ZMIZ1: variants seen among roughly 807,000 people sequenced by gnomAD.
The protein encoded by ZMIZ1 is zinc finger MIZ-type containing 1.
A neutral mutation model predicts 113.9 loss-of-function variants in ZMIZ1; 17 were observed. That is an observed-to-expected ratio of 0.15 (90% CI 0.10 to 0.22). The LOEUF (loss-of-function observed/expected upper bound fraction) is 0.22, where lower values mean the gene tolerates loss of function less well. ZMIZ1 is among the 10% of genes least tolerant of loss of function. The pLI, the probability that ZMIZ1 is intolerant of heterozygous loss-of-function variation, is 1.00. For synonymous variants in ZMIZ1, 607 were observed against 603.1 expected (o/e 1.01, Z -0.09); for missense variants, 1,059 against 1,477.8 (o/e 0.72, Z 4.65).
chr10:79,125,617 G>A (rs1321467403), intron 2 of ZMIZ1, among the ~76,000 whole-genome samples: 1 of 152,252 alleles, frequency 6.6e-6, no homozygotes, highest in Non-Finnish European at 1.5e-5. Context: ...CATTGGGGCA[G>A]AGGACAGCCT....
chr10:79,310,957 C>A lies in ZMIZ1; in HGVS notation c.2869C>A (p.Pro957Thr). ...PHAGSSDQPHPSIQQGLHVPH... is the reference protein window; with the variant it reads ...PHAGSSDQPHTSIQQGLHVPH... Reference sequence around the variant, plus strand: ...CGCTGGCAGCTCTGACCAGCCCCACCCCTCCATACAACAAGGTTTGCACGT... The same window carrying A: ...CGCTGGCAGCTCTGACCAGCCCCACACCTCCATACAACAAGGTTTGCACGT... The change falls in exon 24 of 25, where the codon CCC becomes ACC. Residue 957 changes from proline (P) to threonine (T), a missense_variant. Coordinates refer to ENST00000334512, the MANE Select transcript of ZMIZ1 (RefSeq NM_020338.4). 3.7e-6 allele frequency: 6 copies of A among 1,613,938 alleles called. No individual in the cohort carries two copies. Among genetic ancestry groups the A allele is most frequent in the South Asian group, 2.2e-5 (2 of 91,078 alleles).
intron 1 of ZMIZ1, among the ~76,000 whole-genome samples, chr10:79,098,107 C>A (rs1334668453): frequency 6.6e-6 from 1 of 152,186 alleles, no homozygotes; most frequent in Non-Finnish European, 1.5e-5. Flanking sequence ...GTCAAATGAT[C>A]ATTCCTACCT....
At chr10:79,143,402 A>ACTCACCCCT (rs1845353111) in intron 3 of ZMIZ1, among the ~76,000 whole-genome samples, 1 of 151,338 alleles carries the variant, frequency 6.6e-6, no homozygotes, top group South Asian at 2.1e-4. Flanking sequence ...CCCCGGGCCC[A>ACTCACCCCT]CTCACCCCTC....
intron 4 of ZMIZ1, among the ~76,000 whole-genome samples, chr10:79,169,518 G>A (rs899142402): frequency 9.2e-5 from 14 of 152,250 alleles, no homozygotes; most frequent in African/African-American, 3.4e-4. Context: ...AGCTCCAGAA[G>A]GGCTGATAAA....
chr10:79,195,520 G>T (rs1014907434), intron 4 of ZMIZ1, among the ~76,000 whole-genome samples: 1 of 151,466 alleles, frequency 6.6e-6, no homozygotes, highest in Non-Finnish European at 1.5e-5. Context: ...CTGCAGCCAC[G>T]GAGGATTTGT....
chr10:79,146,364 C>G (rs1166492148), intron 3 of ZMIZ1, among the ~76,000 whole-genome samples: 1 of 152,170 alleles, frequency 6.6e-6, no homozygotes, highest in Non-Finnish European at 1.5e-5. Context: ...CAGACCTTTC[C>G]CAAGCAACAG....
intron 1 of ZMIZ1, among the ~76,000 whole-genome samples, chr10:79,108,805 C>T (rs1843641276): frequency 6.6e-6 from 1 of 152,140 alleles, no homozygotes; most frequent in African/African-American, 2.4e-5. Flanking sequence ...TACATCAGCA[C>T]AGAGGCAGTG....
At position 79,305,607 on chromosome 10, in the gene ZMIZ1, T is replaced by C; in HGVS notation, c.2423+6T>C. The C allele has an allele frequency of 6.2e-7, 1 of 1,602,124 alleles. No individual in the cohort carries two copies. The highest frequency in any genetic ancestry group is 2.2e-5 in the East Asian group (1 of 44,692). ...ATCCTGAATGCCATCCAACAGTAAG[T>C]GGGGCCCTAGCGAGGGGCAGGGGGT... On this transcript the variant is annotated splice_donor_region_variant and intron_variant, in intron 21 of 24. Coordinates refer to ENST00000334512, the MANE Select transcript of ZMIZ1 (RefSeq NM_020338.4).
intron 6 of ZMIZ1, among the ~76,000 whole-genome samples, chr10:79,210,055 G>GC (rs1014130770): frequency 2.4e-4 from 37 of 151,990 alleles, no homozygotes; most frequent in African/African-American, 6.0e-4. Flanking sequence ...TTCTCCCTCC[G>GC]CCCCCCCAGC....
intron 1 of ZMIZ1, among the ~76,000 whole-genome samples, chr10:79,099,929 A>G (rs1373687443): frequency 1.3e-5 from 2 of 152,054 alleles, no homozygotes; most frequent in African/African-American, 2.4e-5. Flanking sequence ...TCCCATCACT[A>G]CTGCTTGTAT....
At chr10:79,073,205 G>A (rs1407323731) in intron 1 of ZMIZ1, among the ~76,000 whole-genome samples, 3 of 152,144 alleles carry the variant, frequency 2.0e-5, no homozygotes, top group Non-Finnish European at 2.9e-5. Flanking sequence ...CTGTAAAATG[G>A]GTCTGAGGGC....
chr10:79,204,650 T>A (rs190650499), intron 5 of ZMIZ1, among the ~76,000 whole-genome samples: 164 of 152,130 alleles, frequency 1.1e-3, no homozygotes, highest in African/African-American at 3.8e-3. Context: ...AATCACAGAG[T>A]CTAGCATAGC....
In ZMIZ1 at chr10:79,304,103, G is replaced by A. The variant is rs1457206359; in HGVS notation, c.2214G>A (p.Val738=). The A allele has an allele frequency of 6.2e-6, 10 of 1,614,118 alleles. No individual in the cohort carries two copies. Among genetic ancestry groups the A allele is most frequent in the Non-Finnish European group, 8.5e-6 (10 of 1,180,056 alleles). ...GGGTGGAGCAGACGGCCATCAAGGT[G>A]TCTCTGAAGTGCCCCATCACATTCC... ...EDGVEQTAIK[V]SLKCPITFRR... The change falls in exon 19 of 25, where the codon GTG becomes GTA. Residue 738 remains valine (V), a synonymous_variant. Transcript: ENST00000334512.
At chr10:79,221,211 G>C (rs1321068111) in intron 7 of ZMIZ1, among the ~76,000 whole-genome samples, 2 of 152,200 alleles carry the variant, frequency 1.3e-5, no homozygotes, top group African/African-American at 4.8e-5. Context: ...TGTCAGGAGA[G>C]CTGGCGGTGA....
At chr10:79,103,399 A>G (rs1049137821) in intron 1 of ZMIZ1, among the ~76,000 whole-genome samples, 5 of 152,148 alleles carry the variant, frequency 3.3e-5, no homozygotes, top group African/African-American at 1.2e-4. Flanking sequence ...CACCCAGGCA[A>G]AGGAGCTGGC....
chr10:79,289,516 C>T (rs535403768), intron 8 of ZMIZ1, among the ~76,000 whole-genome samples: 5 of 152,300 alleles, frequency 3.3e-5, no homozygotes, highest in Admixed American at 2.6e-4. Context: ...CTCGGGGATA[C>T]AGGGAGACAC....
At chr10:79,301,231 C>T (rs1157022286) in intron 17 of ZMIZ1, among the ~76,000 whole-genome samples, 5 of 152,172 alleles carry the variant, frequency 3.3e-5, no homozygotes, top group Non-Finnish European at 7.4e-5. Flanking sequence ...ATTCACCCCT[C>T]CTGGCCCCTC....
At chr10:79,156,578 C>T (rs1291804339) in intron 3 of ZMIZ1, among the ~76,000 whole-genome samples, 1 of 152,182 alleles carries the variant, frequency 6.6e-6, no homozygotes, top group South Asian at 2.1e-4. Context: ...TGGCAAGGAG[C>T]GGAAAGCAGG....
At chr10:79,167,927 T>C (rs1846426036) in intron 4 of ZMIZ1, among the ~76,000 whole-genome samples, 1 of 152,216 alleles carries the variant, frequency 6.6e-6, no homozygotes, top group African/African-American at 2.4e-5. Context: ...GAGTGGAGGA[T>C]GCCTGTGGCA....
Sources: allele counts gnomAD v4.1 joint callset (sites outside exome capture counted in the v4.1 genomes callset), GRCh38; gene constraint gnomAD v4.1.1; transcripts MANE v1.5; gene names NCBI Gene and HGNC (gene_info 2026-07-23, HGNC 2026-07-21).